Variants in PCBP2 observed in about 807,000 individuals in gnomAD.
PCBP2 encodes poly(rC) binding protein 2.
PCBP2 carries 4 observed loss-of-function variants against 50.1 expected under a neutral mutation model. The observed-to-expected ratio is 0.08, with a 90% CI of 0.04 to 0.18. The LOEUF (loss-of-function observed/expected upper bound fraction) is 0.18, where lower values mean the gene tolerates loss of function less well. PCBP2 is among the 10% of genes least tolerant of loss of function. The probability of loss-of-function intolerance (pLI) is 1.00; values close to 1 mark genes in which losing one functional copy is unlikely to be tolerated. For synonymous variants in PCBP2, 179 were observed against 168.0 expected, an observed-to-expected ratio of 1.07 and a Z score of -0.51; for missense variants, 161 against 474.3, an observed-to-expected ratio of 0.34 and a Z score of 6.14.
At chr12:53,457,645 C>T (rs1208527076) in intron 5 of PCBP2, among the ~76,000 whole-genome samples, 2 of 152,040 alleles carry the variant, frequency 1.3e-5, no homozygotes, top group Non-Finnish European at 2.9e-5. Context: ...CATGCGTGGC[C>T]TTTATTTTAT....
chr12:53,467,607 A>G, intron 11 of PCBP2, 198 bp from the exon 12 acceptor site: 2 of 628,154 alleles, frequency 3.2e-6, no homozygotes, highest in Non-Finnish European at 5.6e-6. Flanking sequence ...TGATCTGATC[A>G]GCACCCCCTT....
chr12:53,461,716 G>A (rs76732572), intron 7 of PCBP2, among the ~76,000 whole-genome samples: 4 of 148,448 alleles, frequency 2.7e-5, no homozygotes, highest in African/African-American at 9.9e-5. Context: ...GAATTTTTTC[G>A]TGTGTGTGTG....
intron 6 of PCBP2, chr12:53,459,886 A>C: frequency 2.2e-6 from 1 of 454,156 alleles, no homozygotes; most frequent in Non-Finnish European, 4.4e-6. Flanking sequence ...TCAGCCTCCC[A>C]AGGAGCCGGG....
chr12:53,454,755 A>G lies in PCBP2; in HGVS notation c.-46A>G. On this transcript the variant is annotated 5_prime_UTR_variant, in exon 2 of 15. Transcript: ENST00000546463. Reference sequence around the variant, plus strand: ...TGGCTTTCACCCCCAACCAGTGACCAAAGACTTGACCACTCAAAGTCCAGC... The same window carrying G: ...TGGCTTTCACCCCCAACCAGTGACCGAAGACTTGACCACTCAAAGTCCAGC... 2 of 1,563,468 alleles carry G rather than the reference A, an allele frequency of 1.3e-6. No individual in the cohort carries two copies. The highest frequency in any genetic ancestry group is 2.2e-5 in the South Asian group (2 of 89,930).
rs754747083 is a variant in PCBP2 at position 53,459,285 on chromosome 12, C to G, written c.257C>G (p.Ser86Cys). 2 of 1,611,668 alleles carry G rather than the reference C, an allele frequency of 1.2e-6. No homozygotes were observed. Among genetic ancestry groups the G allele is most frequent in the Admixed American group, 1.7e-5 (1 of 59,840 alleles). ...IDKLEEDISSSMTNSTAASRP... is the reference protein window; with the variant it reads ...IDKLEEDISSCMTNSTAASRP... ...TTCTTTCTGTAGGACATAAGCAGCT[C>G]TATGACCAATAGCACAGCTGCCAGT... Residue 86 changes from serine (S) to cysteine (C), a missense_variant, in exon 6 of 15, where the codon TCT (serine) becomes TGT (cysteine). Transcript: ENST00000546463.
intron 13 of PCBP2, among the ~76,000 whole-genome samples, chr12:53,469,461 C>T (rs1049595003): frequency 2.0e-5 from 3 of 152,094 alleles, no homozygotes; most frequent in African/African-American, 7.2e-5. Flanking sequence ...TGGCTCACTC[C>T]TGTAATCCCA....
chr12:53,465,023 C>A, intron 9 of PCBP2, 171 bp downstream of exon 9: 1 of 727,620 alleles, frequency 1.4e-6, no homozygotes, highest in Non-Finnish European at 1.9e-6. Flanking sequence ...CCGCGTAGCC[C>A]ACCAGATGGT....
intron 12 of PCBP2, chr12:53,468,367 C>T: frequency 4.6e-6 from 1 of 219,092 alleles, no homozygotes; most frequent in Non-Finnish European, 9.0e-6. Context: ...TCCATGGTAC[C>T]CATTAACAGG....
At chr12:53,478,992 G>T (rs1942861950) in intron 14 of PCBP2, among the ~76,000 whole-genome samples, 1 of 152,070 alleles carries the variant, frequency 6.6e-6, no homozygotes, top group African/African-American at 2.4e-5. Flanking sequence ...ACTACTCTCA[G>T]ATGACTCTTT....
At chr12:53,468,035 A>G (rs1347261621) in intron 12 of PCBP2, 192 bp downstream of exon 12, 3 of 589,236 alleles carry the variant, frequency 5.1e-6, no homozygotes, top group Non-Finnish European at 9.0e-6. Context: ...TCTAAAAATG[A>G]TGAGACAGCA....
intron 14 of PCBP2, chr12:53,474,856 TCC>T: frequency 5.2e-6 from 2 of 381,212 alleles, no homozygotes; most frequent in South Asian, 1.9e-5. Context: ...GTTCCTTTTT[TCC>T]TCTGTTACAG....
intron 5 of PCBP2, among the ~76,000 whole-genome samples, chr12:53,457,064 T>C (rs908699303): frequency 6.6e-6 from 1 of 152,176 alleles, no homozygotes; most frequent in Non-Finnish European, 1.5e-5. Context: ...ACTTTTTTTT[T>C]TCTTTTGAGG....
chr12:53,466,038 T>G (rs1167596626), intron 10 of PCBP2, 65 bp downstream of exon 10: 13 of 1,390,778 alleles, frequency 9.3e-6, no homozygotes, highest in Non-Finnish European at 1.3e-5. Context: ...GTCTCACTCC[T>G]CTCTCCCAAG....
At chr12:53,455,623 T>A (rs1005619867) in intron 4 of PCBP2, 130 bp downstream of exon 4, 8 of 975,644 alleles carry the variant, frequency 8.2e-6, no homozygotes, top group Non-Finnish European at 1.3e-5. Flanking sequence ...CTTGGTTATT[T>A]GTAGTGATAA....
chr12:53,467,370 C>T, intron 11 of PCBP2, 77 bp downstream of exon 11: 1 of 1,197,468 alleles, frequency 8.4e-7, no homozygotes, highest in Non-Finnish European at 1.3e-6. Flanking sequence ...AGCTTGACAT[C>T]TGTTTAAAAC....
intron 13 of PCBP2, among the ~76,000 whole-genome samples, chr12:53,470,277 T>C (rs1942116803): frequency 6.8e-6 from 1 of 146,668 alleles, no homozygotes; most frequent in African/African-American, 2.5e-5. Flanking sequence ...CTCAGAAGGC[T>C]GAGGCAGGAG....
chr12:53,471,535 C>A, intron 13 of PCBP2, 103 bp from the exon 14 acceptor site: 2 of 1,161,886 alleles, frequency 1.7e-6, no homozygotes, highest in Non-Finnish European at 2.3e-6. Flanking sequence ...CCACTGCACT[C>A]CAGCCTGGCC....
At chr12:53,473,536 C>G (rs1429498177) in intron 14 of PCBP2, among the ~76,000 whole-genome samples, 5 of 152,190 alleles carry the variant, frequency 3.3e-5, no homozygotes, top group Non-Finnish European at 4.4e-5. Context: ...ATGTGACCTG[C>G]TTGCCTAGCT....
chr12:53,467,124 A>T (rs751647020), intron 10 of PCBP2, 97 bp from the exon 11 acceptor site: 2 of 844,618 alleles, frequency 2.4e-6, no homozygotes, highest in East Asian at 4.9e-5. Context: ...AGTAGAGTCA[A>T]TTTTGGGAAT....
Sources: allele counts gnomAD v4.1 joint callset (sites outside exome capture counted in the v4.1 genomes callset), GRCh38; gene constraint gnomAD v4.1.1; transcripts MANE v1.5; gene names NCBI Gene and HGNC (gene_info 2026-07-23, HGNC 2026-07-21).